USP25: variants seen among roughly 807,000 people sequenced by gnomAD.
USP25 encodes ubiquitin specific peptidase 25, also known as ubiquitin carboxyl-terminal hydrolase 25.
USP25 carries 85 observed loss-of-function variants against 158.5 expected under a neutral mutation model. That is an observed-to-expected ratio of 0.54 (90% CI 0.45 to 0.64). The LOEUF is 0.64. Among genes scored for constraint, USP25 ranks in the 30% least tolerant of loss-of-function variants. USP25 has a pLI of 0.00. For synonymous variants in USP25, 464 were observed against 460.4 expected, an observed-to-expected ratio of 1.01 and a Z score of -0.10; for missense variants, 1,242 against 1,327.3, an observed-to-expected ratio of 0.94 and a Z score of 1.00.
At chr21:15,812,131 ATATG>A (rs1411742329) in intron 9 of USP25, among the ~76,000 whole-genome samples, 6 of 150,670 alleles carry the variant, frequency 4.0e-5, no homozygotes, top group Non-Finnish European at 8.9e-5. Flanking sequence ...ATGCACATAT[ATATG>A]AGTTAATATA....
At chr21:15,754,641 A>AAG (rs2033257701) in intron 1 of USP25, among the ~76,000 whole-genome samples, 1 of 152,192 alleles carries the variant, frequency 6.6e-6, no homozygotes, top group Non-Finnish European at 1.5e-5. Context: ...AAAGAGAGGG[A>AAG]AGAGGAATGC....
At chr21:15,858,623 A>G (rs2039273104) in intron 20 of USP25, among the ~76,000 whole-genome samples, 1 of 151,996 alleles carries the variant, frequency 6.6e-6, no homozygotes, top group East Asian at 1.9e-4. Flanking sequence ...ATTATTTTCT[A>G]TATCTTTATT....
At chr21:15,822,045 A>T (rs2037261684) in intron 10 of USP25, among the ~76,000 whole-genome samples, 1 of 151,890 alleles carries the variant, frequency 6.6e-6, no homozygotes, top group South Asian at 2.1e-4. Context: ...ATGTTTAGAG[A>T]TATGGAGAAT....
chr21:15,810,071 C>T (rs2036581691), intron 8 of USP25, among the ~76,000 whole-genome samples: 1 of 151,956 alleles, frequency 6.6e-6, no homozygotes, highest in Non-Finnish European at 1.5e-5. Context: ...ACATTGGTTG[C>T]ACAACAGTGT....
At chr21:15,780,079 GAC>G (rs2034880220) in intron 4 of USP25, among the ~76,000 whole-genome samples, 1 of 152,078 alleles carries the variant, frequency 6.6e-6, no homozygotes, top group Non-Finnish European at 1.5e-5. Flanking sequence ...TTTAAAGGAA[GAC>G]ATTTATATAT....
At position 15,754,634 on chromosome 21, in the gene USP25, G is replaced by A. The variant is rs971778017; in HGVS notation, c.46-8257G>A. ...GGTGTTCTGTAGACCCTGAATGAAA[G>A]AGAGGGAAGAGGAATGCCAGGGGGA... On this transcript the variant is annotated intron_variant, in intron 1 of 25. Transcript: ENST00000400183. Among the ~76,000 whole-genome samples the A allele has an allele frequency of 6.6e-5, 10 of 152,190 alleles. 1 individual carries two copies. The highest frequency in any genetic ancestry group is 1.5e-5 in the Non-Finnish European group (1 of 68,034).
chr21:15,748,152 A>G (rs2032708214), intron 1 of USP25, among the ~76,000 whole-genome samples: 1 of 152,202 alleles, frequency 6.6e-6, no homozygotes, highest in Non-Finnish European at 1.5e-5. Context: ...CCCTCTGGAG[A>G]ACCAGCGACT....
intron 23 of USP25, among the ~76,000 whole-genome samples, chr21:15,870,749 T>C (rs1254619411): frequency 6.6e-6 from 1 of 152,224 alleles, no homozygotes; most frequent in Non-Finnish European, 1.5e-5. Context: ...AGAAAATGCT[T>C]TATTTTCAAT....
intron 6 of USP25, among the ~76,000 whole-genome samples, chr21:15,803,508 T>TA (rs1407042192): frequency 1.3e-5 from 2 of 151,834 alleles, no homozygotes; most frequent in Non-Finnish European, 2.9e-5. Flanking sequence ...AAAACCATAT[T>TA]ATCATCTCTG....
chr21:15,833,506 G>T lies in USP25; in HGVS notation c.2152G>T (p.Ala718Ser). 6.2e-7 allele frequency: 1 copy of T among 1,614,072 alleles called. No individual in the cohort carries two copies. Among genetic ancestry groups the T allele is most frequent in the East Asian group, 2.2e-5 (1 of 44,850 alleles). ...AQKALQEKLL[A>S]SQKLRESETS... Reference sequence around the variant, plus strand: ...GAAAGCTTTGCAGGAAAAGCTTTTAGCGTCTCAGAAATTGAGAGAGTCAGA... The same window carrying T: ...GAAAGCTTTGCAGGAAAAGCTTTTATCGTCTCAGAAATTGAGAGAGTCAGA... The change falls in exon 17 of 26, where the codon GCG becomes TCG. Residue 718 changes from alanine to serine, a missense_variant. This residue lies in a region of USP25 where 608 missense variants were observed against 605.2 expected (regional missense o/e 1.00). Transcript: ENST00000400183.
intron 1 of USP25, among the ~76,000 whole-genome samples, chr21:15,748,096 T>A (rs573534140): frequency 6.6e-6 from 1 of 152,338 alleles, no homozygotes; most frequent in East Asian, 1.9e-4. Context: ...TCATTCCACT[T>A]GGGTTTGATT....
intron 18 of USP25, among the ~76,000 whole-genome samples, chr21:15,845,189 A>G (rs1024301380): frequency 2.0e-5 from 3 of 152,042 alleles, no homozygotes; most frequent in African/African-American, 7.2e-5. Context: ...CTTTTTTGTC[A>G]CCCTTCTTAT....
At chr21:15,817,285 T>C (rs755303444) in intron 9 of USP25, among the ~76,000 whole-genome samples, 3 of 152,192 alleles carry the variant, frequency 2.0e-5, no homozygotes, top group Non-Finnish European at 4.4e-5. Flanking sequence ...TCAAGTCCTG[T>C]TGGTGCCCTT....
rs2123111687 is a variant in USP25, at chr21:15,730,315, G to C, written c.-79G>C. On this transcript the variant is annotated 5_prime_UTR_variant, in exon 1 of 26. Coordinates refer to ENST00000400183, the MANE Select transcript of USP25 (RefSeq NM_001283041.3). ...TCCGCGCCGCTCCCTGGAGCTCGGC[G>C]GAGCGCGGCAGCCAGGGCCGGCGGA... The C allele has an allele frequency of 7.7e-6, 8 of 1,033,136 alleles. No homozygotes were observed. The highest frequency in any genetic ancestry group is 9.3e-6 in the Non-Finnish European group (8 of 862,230). 64.0% of individuals were successfully genotyped at this position (1,033,136 alleles called of 1,614,324 possible).
intron 1 of USP25, among the ~76,000 whole-genome samples, chr21:15,736,154 A>G (rs571210616): frequency 6.6e-6 from 1 of 151,834 alleles, no homozygotes; most frequent in South Asian, 2.1e-4. Context: ...CTGGAGTGCA[A>G]TGGTGCAATC....
At chr21:15,878,021 G>A in intron 25 of USP25, 30 bp downstream of exon 25, 4 of 1,541,676 alleles carry the variant, frequency 2.6e-6, no homozygotes, top group Non-Finnish European at 2.6e-6. Context: ...GTAGGCACCT[G>A]AGATGTCCGG....
At chr21:15,813,634 T>G (rs1186305228) in intron 9 of USP25, among the ~76,000 whole-genome samples, 1 of 152,194 alleles carries the variant, frequency 6.6e-6, no homozygotes, top group Non-Finnish European at 1.5e-5. Context: ...TCTTTCTTTC[T>G]CATCAATATT....
At position 15,730,271 on chromosome 21, in the gene USP25, G is replaced by C; in HGVS notation, c.-123G>C. The C allele has an allele frequency of 2.1e-6, 2 of 960,636 alleles. No individual in the cohort carries two copies. The highest frequency in any genetic ancestry group is 2.5e-6 in the Non-Finnish European group (2 of 806,612). 59.5% of individuals were successfully genotyped at this position (960,636 alleles called of 1,614,324 possible). ...TCGCCTTCGCGCCTGGCTGGCGGGG[G>C]CGCTGTCCTCCCAGGCCGTCCGCGC... On this transcript the variant is annotated 5_prime_UTR_variant, in exon 1 of 26. Transcript: ENST00000400183.
intron 1 of USP25, among the ~76,000 whole-genome samples, chr21:15,739,140 A>T (rs867068166): frequency 7.9e-5 from 12 of 151,948 alleles, no homozygotes; most frequent in African/African-American, 2.4e-4. Context: ...CATCATGATT[A>T]AAAAGTTTTA....
Sources: allele counts gnomAD v4.1 joint callset (sites outside exome capture counted in the v4.1 genomes callset), GRCh38; gene constraint gnomAD v4.1.1; regional missense constraint gnomAD v4.1.1; transcripts MANE v1.5; gene names NCBI Gene and HGNC (gene_info 2026-07-23, HGNC 2026-07-21).